The following INPP5B variants were observed in gnomAD, a reference collection of about 807,000 sequenced individuals.
INPP5B encodes inositol polyphosphate-5-phosphatase B, also known as type II inositol 1,4,5-trisphosphate 5-phosphatase.
A neutral mutation model predicts 118.5 loss-of-function variants in INPP5B; 90 were observed. The ratio of observed to expected loss-of-function variants is 0.76; its 90% CI spans 0.64 to 0.90. The LOEUF (loss-of-function observed/expected upper bound fraction) is 0.90, where lower values mean the gene tolerates loss of function less well. INPP5B is among the 40% of genes least tolerant of loss of function. INPP5B has a pLI of 0.00. For synonymous variants in INPP5B, 385 were observed against 418.9 expected, an observed-to-expected ratio of 0.92 and a Z score of 0.99; for missense variants, 984 against 1,125.6, an observed-to-expected ratio of 0.87 and a Z score of 1.80.
intron 20 of INPP5B, among the ~76,000 whole-genome samples, chr1:37,866,973 C>T (rs1315698163): frequency 6.6e-6 from 1 of 152,216 alleles, no homozygotes; most frequent in African/African-American, 2.4e-5. Flanking sequence ...TTGGCTTATG[C>T]CTGTAATCCC....
chr1:37,892,538 AT>A (rs1643878345), intron 7 of INPP5B, among the ~76,000 whole-genome samples: 1 of 152,222 alleles, frequency 6.6e-6, no homozygotes, highest in Non-Finnish European at 1.5e-5. Context: ...AACCCAAGTT[AT>A]GGGAAGGAGC....
At chr1:37,931,854 CG>C (rs1316888934) in intron 7 of INPP5B, 58 bp downstream of exon 7, 1 of 1,612,632 alleles carries the variant, frequency 6.2e-7, no homozygotes, top group Admixed American at 1.7e-5. Flanking sequence ...GAACGGAGCC[CG>C]CCCCCTGTGG....
intron 7 of INPP5B, among the ~76,000 whole-genome samples, chr1:37,897,147 C>T (rs1271222553): frequency 3.8e-4 from 58 of 151,602 alleles, no homozygotes; most frequent in African/African-American, 5.8e-4. Context: ...CCGCCCTGTC[C>T]GGGAGGTGAG....
In INPP5B at chr1:37,932,062, G is replaced by T; in HGVS notation, c.392-9C>A. The T allele has an allele frequency of 6.3e-7, 1 of 1,578,648 alleles. No homozygotes were observed. The highest frequency in any genetic ancestry group is 8.6e-7 in the Non-Finnish European group (1 of 1,161,842). On this transcript the variant is annotated splice_polypyrimidine_tract_variant and intron_variant, in intron 6 of 23. Transcript: ENST00000373024. ...GGTCGCAGAATCGAAGCCTGTGCAG[G>T]AACAAATGGGGGCAGACTGAGCCAC... is the stretch of plus-strand genomic sequence containing the variant.
intron 22 of INPP5B, among the ~76,000 whole-genome samples, chr1:37,865,101 C>T (rs1641949426): frequency 1.3e-5 from 2 of 151,792 alleles, no homozygotes; most frequent in African/African-American, 4.8e-5. Context: ...GCAGGAGAAT[C>T]GCTTGAACCT....
chr1:37,911,649 C>A (rs1644702933), intron 7 of INPP5B, among the ~76,000 whole-genome samples: 1 of 152,214 alleles, frequency 6.6e-6, no homozygotes, highest in East Asian at 1.9e-4. Context: ...GACTACGAGT[C>A]AATATTTATA....
intron 7 of INPP5B, among the ~76,000 whole-genome samples, chr1:37,910,127 T>C (rs888320635): frequency 1.3e-5 from 2 of 152,224 alleles, no homozygotes; most frequent in Non-Finnish European, 2.9e-5. Flanking sequence ...GGCTGAAGAC[T>C]GACACTGCCC....
At chr1:37,876,554 A>T (rs1245670838) in intron 16 of INPP5B, among the ~76,000 whole-genome samples, 41 of 92,938 alleles carry the variant, frequency 4.4e-4, no homozygotes, top group African/African-American at 1.1e-3. Context: ...TGTCTCTTTA[A>T]AAAAAAAAAA....
intron 3 of INPP5B, among the ~76,000 whole-genome samples, chr1:37,944,735 C>A (rs2148703852): frequency 6.7e-6 from 1 of 148,558 alleles, no homozygotes; most frequent in East Asian, 2.1e-4. Context: ...GCATGCACCA[C>A]AACACCCAGC....
chr1:37,879,484 G>T (rs1643062033), intron 15 of INPP5B, among the ~76,000 whole-genome samples: 1 of 151,932 alleles, frequency 6.6e-6, no homozygotes, highest in Non-Finnish European at 1.5e-5. Context: ...AATAGTACAT[G>T]GCACATGGTA....
At chr1:37,944,198 A>G (rs1415662307) in intron 3 of INPP5B, among the ~76,000 whole-genome samples, 1 of 152,104 alleles carries the variant, frequency 6.6e-6, no homozygotes, top group Non-Finnish European at 1.5e-5. Flanking sequence ...GAACAGTGCA[A>G]CCTTAGCTAC....
intron 7 of INPP5B, among the ~76,000 whole-genome samples, chr1:37,924,710 C>T (rs369146856): frequency 1.3e-5 from 2 of 151,562 alleles, no homozygotes; most frequent in African/African-American, 2.4e-5. Flanking sequence ...AGTTTGAGAC[C>T]GGCCTGGGCA....
chr1:37,914,828 C>T (rs529611047), intron 7 of INPP5B, among the ~76,000 whole-genome samples: 1 of 152,258 alleles, frequency 6.6e-6, no homozygotes, highest in Non-Finnish European at 1.5e-5. Flanking sequence ...GAAGCAGGGA[C>T]CAATGTGCTA....
At chr1:37,935,058 G>A (rs1202658269) in intron 6 of INPP5B, among the ~76,000 whole-genome samples, 5 of 150,328 alleles carry the variant, frequency 3.3e-5, no homozygotes, top group African/African-American at 9.7e-5. Context: ...AAAATTAGCC[G>A]GGCGTGCTGG....
Position 37,931,417 on chromosome 1 carries a change from G to C in INPP5B, c.532+496C>G, listed in dbSNP as rs999395396. The C allele has an allele frequency of 6.0e-6, 9 of 1,508,742 alleles. No homozygotes were observed. The East Asian group carries it at 1.5e-4, about 25-fold the overall frequency. The allele number at this position is 1,508,742 out of a possible 1,614,324, so 93.5% of individuals were successfully genotyped here. A position where few individuals can be genotyped will look rare whatever the true frequency, so the allele number is the denominator to read the frequency against. On this transcript the variant is annotated intron_variant, in intron 7 of 23. Coordinates refer to ENST00000373024, the MANE Select transcript of INPP5B (RefSeq NM_005540.3). ...GGCCCGAGGTCACACAGCGAGTTCG[G>C]AACGGAGCTTTACTAAAACCCCAGC...
chr1:37,862,214 C>G lies in INPP5B; in HGVS notation c.*101G>C. 1.3e-6 allele frequency: 1 copy of G among 750,100 alleles called. No homozygotes were observed. The allele number at this position is 750,100 out of a possible 1,614,324, so 46.5% of individuals were successfully genotyped here. On this transcript the variant is annotated 3_prime_UTR_variant, in exon 24 of 24. Coordinates refer to ENST00000373024, the MANE Select transcript of INPP5B (RefSeq NM_005540.3). ...GCTCAGGAAATAGCTGCCATTCTTGCTACCAAGTGGCCTCACATAATTATC... is the reference window on the plus strand; with the variant it reads ...GCTCAGGAAATAGCTGCCATTCTTGGTACCAAGTGGCCTCACATAATTATC...
Position 37,943,627 on chromosome 1 carries a change from G to C in INPP5B, c.280+13C>G. 1 of 1,613,944 alleles carries C rather than the reference G, an allele frequency of 6.2e-7. No individual in the cohort carries two copies. Among genetic ancestry groups the C allele is most frequent in the Non-Finnish European group, 8.5e-7 (1 of 1,179,926 alleles). ...CTGCCCCGAGTGGGACCCAGACCAA[G>C]AGGACCACTCACCAAGGATGTAGAG... is the stretch of plus-strand genomic sequence containing the variant. On this transcript the variant is annotated intron_variant, in intron 5 of 23. Coordinates refer to ENST00000373024, the MANE Select transcript of INPP5B (RefSeq NM_005540.3).
At chr1:37,896,165 G>A (rs1214172216) in intron 7 of INPP5B, among the ~76,000 whole-genome samples, 20 of 146,266 alleles carry the variant, frequency 1.4e-4, no homozygotes, top group Non-Finnish European at 2.6e-4. Context: ...CTGCCCTGCC[G>A]CCCCGTCCGG....
intron 7 of INPP5B, among the ~76,000 whole-genome samples, chr1:37,926,560 G>A (rs921984245): frequency 2.0e-5 from 3 of 152,226 alleles, no homozygotes; most frequent in Admixed American, 6.5e-5. Flanking sequence ...GGGATTACAG[G>A]CTTGAGCCAC....
Sources: gnomAD v4.1 joint callset for allele counts (sites outside exome capture counted in the v4.1 genomes callset) on GRCh38, gnomAD v4.1.1 for gene constraint, MANE v1.5 for transcripts, NCBI Gene and HGNC (gene_info 2026-07-23, HGNC 2026-07-21) for gene names.